Variants in SHMT1 observed in about 807,000 individuals in gnomAD.
SHMT1 encodes serine hydroxymethyltransferase, cytosolic.
SHMT1 carries 45 observed loss-of-function variants against 49.0 expected under a neutral mutation model. The ratio of observed to expected loss-of-function variants is 0.92; its 90% confidence interval spans 0.72 to 1.18. The LOEUF (loss-of-function observed/expected upper bound fraction) is 1.18. SHMT1 is among the 50% of genes most tolerant of loss of function. SHMT1 has a pLI of 0.00. For synonymous variants in SHMT1, 232 were observed against 246.6 expected, an observed-to-expected ratio of 0.94 and a Z score of 0.55; for missense variants, 541 against 612.4, an observed-to-expected ratio of 0.88 and a Z score of 1.23.
chr17:18,347,686 T>C (rs1272838701), intron 4 of SHMT1, 30 bp from the exon 5 acceptor site: 1 of 1,613,722 alleles, frequency 6.2e-7, no homozygotes, highest in Non-Finnish European at 8.5e-7. Flanking sequence ...GGAGACATGA[T>C]TATTTCTAAC....
intron 5 of SHMT1, among the ~76,000 whole-genome samples, chr17:18,345,104 C>T (rs1984948137): frequency 6.6e-6 from 1 of 152,202 alleles, no homozygotes; most frequent in African/African-American, 2.4e-5. Context: ...GGGTGAGCTG[C>T]ACCTCCTGCT....
chr17:18,344,895 G>T (rs1984922881), intron 5 of SHMT1, among the ~76,000 whole-genome samples: 1 of 152,214 alleles, frequency 6.6e-6, no homozygotes, highest in African/African-American at 2.4e-5. Context: ...CTCTTGCAGT[G>T]GAGTGGGGCA....
At chr17:18,335,757 G>T in intron 7 of SHMT1, 82 bp from the exon 8 acceptor site, 1 of 997,956 alleles carries the variant, frequency 1.0e-6, no homozygotes. Flanking sequence ...GACTGGCCAG[G>T]GAAGAATCAA....
In SHMT1 at chr17:18,347,769, C is replaced by T. The variant is rs532628048; in HGVS notation, c.359-113G>A. On this transcript the variant is annotated intron_variant, in intron 4 of 11. Transcript: ENST00000316694. ...AGGAGTGGCGAGAACAGGCCTTGTA[C>T]CTTCCCTGAGCTCCAGGAGGTGCCC... The T allele has an allele frequency of 2.8e-5, 33 of 1,166,638 alleles. No individual in the cohort carries two copies. In the African/African-American group the frequency reaches 4.4e-4, roughly 15 times the overall value. The allele number at this position is 1,166,638 out of a possible 1,614,324, so 72.3% of individuals were successfully genotyped here.
chr17:18,355,371 A>G (rs1986144388), intron 2 of SHMT1, among the ~76,000 whole-genome samples: 1 of 134,468 alleles, frequency 7.4e-6, no homozygotes, highest in Non-Finnish European at 1.6e-5. Flanking sequence ...CTCTGTCTCA[A>G]AAAAAAAAAA....
At chr17:18,333,075 A>C (rs767677129) in intron 9 of SHMT1, 91 bp downstream of exon 9, 2 of 1,511,212 alleles carry the variant, frequency 1.3e-6, no homozygotes, top group Non-Finnish European at 1.8e-6. Flanking sequence ...GCAGCAGCAG[A>C]GCCTGGGCCA....
chr17:18,337,764 G>A (rs1983976279), intron 7 of SHMT1, among the ~76,000 whole-genome samples: 1 of 152,232 alleles, frequency 6.6e-6, no homozygotes, highest in South Asian at 2.1e-4. Flanking sequence ...GGTGGAGACG[G>A]GGTTTTGCTG....
intron 5 of SHMT1, among the ~76,000 whole-genome samples, chr17:18,347,199 A>C (rs1985172281): frequency 6.6e-6 from 1 of 152,176 alleles, no homozygotes; most frequent in Non-Finnish European, 1.5e-5. Flanking sequence ...CCTGGTTGCT[A>C]TTCCCCAGGG....
Position 18,353,680 on chromosome 17 carries a change from C to T in SHMT1, c.234G>A (p.Pro78=), listed in dbSNP as rs368060897. ...CLNNKYSEGY[P]GQRYYGGTEF... ...TGAAGATATTCACATACCTCTGGCC[C>T]GGGTACCCCTCAGAGTATTTGTTAT... Residue 78 remains proline, a synonymous_variant, in exon 3 of 12, where the codon CCG becomes CCA. Transcript: ENST00000316694. The T allele has an allele frequency of 1.4e-5, 22 of 1,613,954 alleles. No homozygotes were observed. Among genetic ancestry groups the T allele is most frequent in the Middle Eastern group, 3.3e-4 (2 of 6,080 alleles).
In SHMT1 at chr17:18,333,199, C is replaced by T; in HGVS notation, c.1021G>A (p.Ala341Thr). The change falls in exon 9 of 12, where the codon GCC (alanine) becomes ACC (threonine). Residue 341 changes from alanine to threonine, a missense_variant. Transcript: ENST00000316694. Reference sequence around the variant, plus strand: ...ATTTTGTAGCCCAGCTCCGTCAGGGCCTCAGACAGAGCCCTGCAGTTGGCC... The same window carrying T: ...ATTTTGTAGCCCAGCTCCGTCAGGGTCTCAGACAGAGCCCTGCAGTTGGCC... ...VVANCRALSE[A>T]LTELGYKIVT... 3 of 1,614,094 alleles carry T rather than the reference C, an allele frequency of 1.9e-6. No homozygotes were observed. The African/African-American group carries it at 4.0e-5, about 22-fold the overall frequency.
In SHMT1 at chr17:18,352,827, GAAAAAAAAAAAGAAA is replaced by G. The variant is rs558396876; in HGVS notation, c.242+830_242+844del. Among the ~76,000 whole-genome samples, 225 of 93,466 alleles carry G rather than the reference GAAAAAAAAAAAGAAA, an allele frequency of 2.4e-3. 1 individual carries two copies. The highest frequency in any genetic ancestry group is 0.011 in the Middle Eastern group (2 of 180). The allele number at this position is 93,466 out of a possible 152,430, so 61.3% of individuals were successfully genotyped here. A position where few individuals can be genotyped will look rare whatever the true frequency, so the allele number is the denominator to read the frequency against. ...AGAAAGACCATGTCTCAAAAAAGAA[GAAAAAAAAAAAGAAA>G]ACACCTGGTGTTAACAAAATACCTT... is the stretch of plus-strand genomic sequence containing the variant. On this transcript the variant is annotated intron_variant, in intron 3 of 11. Coordinates refer to ENST00000316694, the MANE Select transcript of SHMT1 (RefSeq NM_004169.5).
At chr17:18,348,936 G>A (rs574978320) in intron 3 of SHMT1, among the ~76,000 whole-genome samples, 9 of 148,980 alleles carry the variant, frequency 6.0e-5, no homozygotes, top group South Asian at 2.1e-4. Flanking sequence ...CTGTGATCAC[G>A]CCACTGGACT....
rs760451191 is a variant in SHMT1, at chr17:18,353,837, T to C, written c.97-20A>G. The C allele has an allele frequency of 3.7e-6, 6 of 1,613,250 alleles. No individual in the cohort carries two copies. The highest frequency in any genetic ancestry group is 5.1e-6 in the Non-Finnish European group (6 of 1,179,154). ...GTAAACCTTATGAGAAGAAAACAGA[T>C]GCTTGATATTTGGAAATTTTAGTTT... On this transcript the variant is annotated intron_variant, in intron 2 of 11. Transcript: ENST00000316694.
intron 3 of SHMT1, among the ~76,000 whole-genome samples, chr17:18,352,702 C>A (rs1220058826): frequency 1.3e-5 from 2 of 151,854 alleles, no homozygotes; most frequent in East Asian, 3.9e-4. Context: ...TGCCTGTAGT[C>A]CCAGCGACTC....
rs1311769124 is a variant in SHMT1, at chr17:18,337,594, CCTTTCCACGGTCTCCCT to C, written c.815-1936_815-1920del. 2.1e-5 allele frequency among the ~76,000 whole-genome samples: 3 copies of C among 143,206 alleles called. No homozygotes were observed. In the East Asian group the frequency reaches 1.2e-3, roughly 55 times the overall value. 93.9% of individuals were successfully genotyped at this position (143,206 alleles called of 152,430 possible). The stretch of plus-strand genomic sequence containing the variant: ...TCCCTCTCCCCACGGTCTCCCTCTC[CCTTTCCACGGTCTCCCT>C]CTGATGCCGAGCCGAAGCTGGACTG... On this transcript the variant is annotated intron_variant, in intron 7 of 11. Coordinates refer to ENST00000316694, the MANE Select transcript of SHMT1 (RefSeq NM_004169.5).
chr17:18,330,812 C>A lies in SHMT1; in HGVS notation c.1055-141G>T, dbSNP rs1983129024. The A allele has an allele frequency of 4.3e-6, 3 of 700,750 alleles. No homozygotes were observed. In the South Asian group the frequency reaches 4.5e-5, roughly 10 times the overall value. 43.4% of individuals were successfully genotyped at this position (700,750 alleles called of 1,614,324 possible). On this transcript the variant is annotated intron_variant, in intron 9 of 11. Transcript: ENST00000316694. Reference sequence around the variant, plus strand: ...CACCCCCACCACATGGCCTGGGATTCTAATCCCCACGAGAGATGCCCGTGC... The same window carrying A: ...CACCCCCACCACATGGCCTGGGATTATAATCCCCACGAGAGATGCCCGTGC...
intron 5 of SHMT1, among the ~76,000 whole-genome samples, chr17:18,345,831 C>A (rs141463041): frequency 6.6e-6 from 1 of 151,272 alleles, no homozygotes; most frequent in African/African-American, 2.4e-5. Context: ...CGGGTGTGCA[C>A]CACCACACCT....
At chr17:18,360,113 G>A (rs55844190) in intron 1 of SHMT1, among the ~76,000 whole-genome samples, 14,620 of 151,896 alleles carry the variant, frequency 0.096, 804 homozygotes, top group East Asian at 0.16. Context: ...GATGGGCATA[G>A]TGGTGGGCCC....
intron 3 of SHMT1, among the ~76,000 whole-genome samples, chr17:18,352,883 A>G (rs1250230871): frequency 6.6e-6 from 1 of 152,082 alleles, no homozygotes; most frequent in East Asian, 1.9e-4. Flanking sequence ...GAAAGAAGAA[A>G]GAAAGGAAGG....
Sources: gnomAD v4.1 joint callset for allele counts (sites outside exome capture counted in the v4.1 genomes callset) on GRCh38, gnomAD v4.1.1 for gene constraint, MANE v1.5 for transcripts, NCBI Gene and HGNC (gene_info 2026-07-23, HGNC 2026-07-21) for gene names.